Variants in DOCK4 observed in about 807,000 individuals in gnomAD.
The protein encoded by DOCK4 is dedicator of cytokinesis protein 4.
In DOCK4, 97 loss-of-function variants were observed where a neutral mutation model predicts 268.1. The observed-to-expected ratio is 0.36, with a 90% confidence interval of 0.31 to 0.43. DOCK4 has a LOEUF of 0.43. DOCK4 is among the 20% of genes least tolerant of loss of function. DOCK4 has a pLI of 1.00. For synonymous variants in DOCK4, 954 were observed against 887.2 expected (o/e 1.08, Z -1.34); for missense variants, 2,145 against 2,455.7 (o/e 0.87, Z 2.67).
intron 27 of DOCK4, chr7:111,819,933 C>T (rs1307767688): frequency 6.6e-6 from 1 of 152,214 alleles, no homozygotes; most frequent in East Asian, 1.9e-4. Flanking sequence ...GTAACTCCTG[C>T]AACGTGCTTC....
intron 1 of DOCK4, among the ~76,000 whole-genome samples, chr7:112,071,186 A>G (rs1435295958): frequency 2.0e-5 from 3 of 152,220 alleles, no homozygotes; most frequent in Admixed American, 2.0e-4. Flanking sequence ...ATATGATTTT[A>G]TCTTTGCCAC....
intron 12 of DOCK4, among the ~76,000 whole-genome samples, chr7:111,922,859 G>A (rs953844566): frequency 1.3e-5 from 2 of 152,146 alleles, no homozygotes; most frequent in African/African-American, 4.8e-5. Flanking sequence ...GGGATTATAG[G>A]TGTGAGCCAC....
At chr7:112,128,477 G>A (rs1261017881) in intron 1 of DOCK4, among the ~76,000 whole-genome samples, 4 of 152,228 alleles carry the variant, frequency 2.6e-5, no homozygotes, top group African/African-American at 7.2e-5. Context: ...GAATAGAAAG[G>A]GGGGAAAGGT....
At position 111,915,772 on chromosome 7, in the gene DOCK4, C is replaced by A; in HGVS notation, c.1192+7G>T. ...TTCATCATATCGGTACGTCCCAAGT[C>A]ACCTACCAGGCATAATAATATTTGA... On this transcript the variant is annotated splice_region_variant and intron_variant, in intron 13 of 52. Transcript: ENST00000428084. 1 of 1,612,478 alleles carries A rather than the reference C, an allele frequency of 6.2e-7. No homozygotes were observed. The highest frequency in any genetic ancestry group is 1.1e-5 in the South Asian group (1 of 90,590).
In DOCK4 at chr7:111,822,770, A is replaced by G. The variant is rs114937581; in HGVS notation, c.2836-314T>C. On this transcript the variant is annotated intron_variant, in intron 26 of 52. Transcript: ENST00000428084. Reference sequence around the variant, plus strand: ...TGTAACAGAAGATTAACAGGGAAATACATTCCCTTTCTTCTATTATAGCAT... The same window carrying G: ...TGTAACAGAAGATTAACAGGGAAATGCATTCCCTTTCTTCTATTATAGCAT... Among the ~76,000 whole-genome samples, 1,044 of 152,360 alleles carry G rather than the reference A, an allele frequency of 6.9e-3. 16 individuals are homozygous for G. The highest frequency in any genetic ancestry group is 0.024 in the African/African-American group (978 of 41,582).
At chr7:112,191,311 C>T (rs923664823) in intron 1 of DOCK4, among the ~76,000 whole-genome samples, 4 of 152,282 alleles carry the variant, frequency 2.6e-5, no homozygotes, top group African/African-American at 4.8e-5. Context: ...CACTCAAAGA[C>T]GCACACATTT....
At chr7:111,870,662 C>T (rs1036862043) in intron 20 of DOCK4, among the ~76,000 whole-genome samples, 1 of 152,162 alleles carries the variant, frequency 6.6e-6, no homozygotes, top group Non-Finnish European at 1.5e-5. Flanking sequence ...AGCAATGTTT[C>T]TCTGGGTCAG....
At chr7:111,961,445 A>G (rs1161841708) in intron 8 of DOCK4, among the ~76,000 whole-genome samples, 7 of 152,222 alleles carry the variant, frequency 4.6e-5, no homozygotes, top group Admixed American at 1.3e-4. Context: ...GAGTGAATGA[A>G]CTAGTGAATG....
chr7:111,946,377 G>A (rs1004125727), intron 8 of DOCK4, among the ~76,000 whole-genome samples: 4 of 152,068 alleles, frequency 2.6e-5, no homozygotes, highest in African/African-American at 7.2e-5. Context: ...CAGTGCCACC[G>A]GGAGCTGCGG....
intron 6 of DOCK4, among the ~76,000 whole-genome samples, chr7:111,985,990 A>G (rs1279417522): frequency 6.6e-6 from 1 of 152,184 alleles, no homozygotes; most frequent in Admixed American, 6.5e-5. Context: ...AGCTCCTTCT[A>G]TGAGAAGCTG....
At chr7:112,167,211 T>C (rs1161498117) in intron 1 of DOCK4, among the ~76,000 whole-genome samples, 1 of 152,194 alleles carries the variant, frequency 6.6e-6, no homozygotes, top group East Asian at 1.9e-4. Context: ...TTGCCTCCCC[T>C]TTCCAACTTC....
intron 7 of DOCK4, among the ~76,000 whole-genome samples, chr7:111,979,314 A>C (rs147681711): frequency 7.9e-5 from 12 of 152,316 alleles, no homozygotes; most frequent in African/African-American, 2.6e-4. Context: ...TCTTCGTAAA[A>C]GTGGAGAGTA....
intron 1 of DOCK4, among the ~76,000 whole-genome samples, chr7:112,136,515 C>A (rs1814365861): frequency 6.6e-6 from 1 of 152,196 alleles, no homozygotes; most frequent in Non-Finnish European, 1.5e-5. Context: ...ATGTGTCAAG[C>A]CCTTTGCTGG....
intron 1 of DOCK4, among the ~76,000 whole-genome samples, chr7:112,019,501 T>C (rs1262796366): frequency 6.6e-6 from 1 of 152,180 alleles, no homozygotes; most frequent in East Asian, 1.9e-4. Context: ...TTTTAATGAA[T>C]TCTGGAAGTT....
rs549509393 is a variant in DOCK4 at position 111,793,790 on chromosome 7, A to T, written c.3167-3185T>A. On this transcript the variant is annotated intron_variant, in intron 30 of 52. Coordinates refer to ENST00000428084, the MANE Select transcript of DOCK4 (RefSeq NM_001363540.2). The stretch of plus-strand genomic sequence containing the variant: ...CAGCACTTTGGGAGGCCAAGGCAGG[A>T]GAATCGCTTGAGCCCAGGAGTTCAA... Among the ~76,000 whole-genome samples, 4 of 152,270 alleles carry T rather than the reference A, an allele frequency of 2.6e-5. No homozygotes were observed. The South Asian group carries it at 8.3e-4, about 32-fold the overall frequency.
At chr7:112,123,721 C>T (rs1477152524) in intron 1 of DOCK4, among the ~76,000 whole-genome samples, 1 of 152,214 alleles carries the variant, frequency 6.6e-6, no homozygotes, top group Non-Finnish European at 1.5e-5. Flanking sequence ...AGAACCATTA[C>T]AGCCTTGAAC....
At chr7:111,996,713 C>T (rs1212034560) in intron 4 of DOCK4, among the ~76,000 whole-genome samples, 1 of 152,154 alleles carries the variant, frequency 6.6e-6, no homozygotes, top group East Asian at 1.9e-4. Context: ...CTTAAACTTA[C>T]ATGACCAAAT....
chr7:112,111,850 T>C (rs770018468), intron 1 of DOCK4, among the ~76,000 whole-genome samples: 3 of 152,180 alleles, frequency 2.0e-5, no homozygotes, highest in Admixed American at 6.5e-5. Context: ...AAAATCCACA[T>C]GGGCCATTTC....
chr7:111,788,366 T>C (rs1199725116), intron 32 of DOCK4: 1 of 332,198 alleles, frequency 3.0e-6, no homozygotes, highest in Non-Finnish European at 5.6e-6. Flanking sequence ...AAAATCATTA[T>C]CTTGCAGGAA....
Sources: gnomAD v4.1 joint callset for allele counts (sites outside exome capture counted in the v4.1 genomes callset) on GRCh38, gnomAD v4.1.1 for gene constraint, MANE v1.5 for transcripts, NCBI Gene and HGNC (gene_info 2026-07-23, HGNC 2026-07-21) for gene names.